Variants in RNF175 observed in about 807,000 individuals in gnomAD.
The protein encoded by RNF175 is ring finger protein 175.
RNF175 carries 38 observed loss-of-function variants against 50.0 expected under a neutral mutation model. That is an observed-to-expected ratio of 0.76 (90% CI 0.59 to 1.00). The LOEUF is 1.00. RNF175 is among the 50% of genes least tolerant of loss of function. The pLI is 0.00. For synonymous variants in RNF175, 155 were observed against 146.1 expected, an observed-to-expected ratio of 1.06 and a Z score of -0.44; for missense variants, 388 against 409.6, an observed-to-expected ratio of 0.95 and a Z score of 0.46.
intron 3 of RNF175, among the ~76,000 whole-genome samples, chr4:153,743,136 C>T (rs1057009220): frequency 6.6e-6 from 1 of 152,074 alleles, no homozygotes; most frequent in African/African-American, 2.4e-5. Context: ...TGATATTGTT[C>T]ACCCAAGTAT....
chr4:153,715,452 G>A (rs1178142978), intron 7 of RNF175, 77 bp downstream of exon 7: 1 of 1,393,336 alleles, frequency 7.2e-7, no homozygotes, highest in Admixed American at 2.0e-5. Flanking sequence ...GAGGAGATGG[G>A]GACAGGAGGA....
intron 3 of RNF175, among the ~76,000 whole-genome samples, chr4:153,747,880 A>G (rs1045213577): frequency 6.6e-6 from 1 of 152,278 alleles, no homozygotes; most frequent in Non-Finnish European, 1.5e-5. Flanking sequence ...GTAATAAATA[A>G]TAAACAGCAA....
intron 3 of RNF175, among the ~76,000 whole-genome samples, chr4:153,731,612 A>G (rs1219838120): frequency 6.6e-6 from 1 of 152,072 alleles, no homozygotes; most frequent in Admixed American, 6.6e-5. Flanking sequence ...GGCTAATTGT[A>G]CAGAATGATG....
chr4:153,748,735 G>A lies in RNF175; in HGVS notation c.156C>T (p.His52=), dbSNP rs147318567. ...YKMHRGHDSM[H]VEMILIFLCV... ...AGAGGAAGATCAAGATCATTTCCAC[G>A]TGCATGGAATCGTGGCCCCGGTGCA... Residue 52 remains histidine (H), a synonymous_variant, in exon 3 of 9, where the codon CAC becomes CAT. Coordinates refer to ENST00000347063, the MANE Select transcript of RNF175 (RefSeq NM_173662.4). 0.011 allele frequency: 17,153 copies of A among 1,611,496 alleles called. 129 individuals are homozygous for A. The highest frequency in any genetic ancestry group is 0.013 in the Non-Finnish European group (15,035 of 1,178,886).
chr4:153,715,753 C>T (rs1296276969), intron 6 of RNF175, 91 bp from the exon 7 acceptor site: 3 of 1,350,500 alleles, frequency 2.2e-6, no homozygotes, highest in Non-Finnish European at 3.0e-6. Flanking sequence ...CTGGGACAGG[C>T]AGCCCTTGGC....
At chr4:153,710,553 A>G in intron 8 of RNF175, 64 bp from the exon 9 acceptor site, 1 of 1,465,668 alleles carries the variant, frequency 6.8e-7, no homozygotes, top group African/African-American at 1.4e-5. Flanking sequence ...CATAAATGTC[A>G]TTTGCAAATA....
At chr4:153,746,517 C>T (rs1739981802) in intron 3 of RNF175, among the ~76,000 whole-genome samples, 1 of 151,300 alleles carries the variant, frequency 6.6e-6, no homozygotes, top group African/African-American at 2.4e-5. Flanking sequence ...CCATAGCTCT[C>T]CTAGGCTGGA....
At chr4:153,718,221 TGTTTGTTTG>T (rs774508221) in intron 6 of RNF175, among the ~76,000 whole-genome samples, 30 of 53,970 alleles carry the variant, frequency 5.6e-4, no homozygotes, top group Non-Finnish European at 9.9e-4. Flanking sequence ...TTTTTTTGTT[TGTTTGTTTG>T]TTTGTTTGTT....
intron 7 of RNF175, 152 bp downstream of exon 7, chr4:153,715,377 C>A: frequency 1.3e-6 from 1 of 745,660 alleles, no homozygotes; most frequent in Non-Finnish European, 2.4e-6. Context: ...CAGGGACAAA[C>A]AGGAAGACTC....
intron 7 of RNF175, 71 bp downstream of exon 7, chr4:153,715,458 G>C: frequency 8.3e-7 from 1 of 1,205,332 alleles, no homozygotes; most frequent in Non-Finnish European, 1.2e-6. Context: ...ATGGGGACAG[G>C]AGGAGGAGGA....
intron 7 of RNF175, chr4:153,714,264 T>C (rs1339478665): frequency 6.6e-6 from 1 of 152,150 alleles, no homozygotes; most frequent in Non-Finnish European, 1.5e-5. Flanking sequence ...AAGAATGAGT[T>C]TTTTGGGAAA....
chr4:153,752,669 T>TA (rs971669066), intron 1 of RNF175, among the ~76,000 whole-genome samples: 1 of 152,184 alleles, frequency 6.6e-6, no homozygotes, highest in African/African-American at 2.4e-5. Flanking sequence ...ATTATAAAGT[T>TA]AAAAAATGAC....
At chr4:153,723,158 T>C in intron 5 of RNF175, 193 bp downstream of exon 5, 1 of 357,350 alleles carries the variant, frequency 2.8e-6, no homozygotes, top group Non-Finnish European at 5.2e-6. Context: ...TTTTAAAAAA[T>C]TATTTTGTAG....
chr4:153,724,410 G>A, intron 4 of RNF175, among the ~76,000 whole-genome samples: 1 of 152,222 alleles, frequency 6.6e-6, no homozygotes, highest in East Asian at 1.9e-4. Flanking sequence ...AAATGAAGAG[G>A]TGGCTAGAAA....
chr4:153,721,711 A>G (rs1738350522), intron 5 of RNF175, among the ~76,000 whole-genome samples: 1 of 152,182 alleles, frequency 6.6e-6, no homozygotes, highest in African/African-American at 2.4e-5. Context: ...TTACTGTAGG[A>G]AAATTCATGA....
intron 3 of RNF175, among the ~76,000 whole-genome samples, chr4:153,728,747 G>A (rs771942944): frequency 6.6e-6 from 1 of 152,116 alleles, no homozygotes; most frequent in African/African-American, 2.4e-5. Context: ...GGGATCAAAC[G>A]AGATCAGGAA....
chr4:153,715,317 G>A (rs2127089217), intron 7 of RNF175: 1 of 620,286 alleles, frequency 1.6e-6, no homozygotes, highest in East Asian at 3.0e-5. Flanking sequence ...TCTTTAGAAA[G>A]GAAATTACTG....
At chr4:153,718,234 G>GTTTTTTTTT (rs1276542726) in intron 6 of RNF175, among the ~76,000 whole-genome samples, 4 of 64,256 alleles carry the variant, frequency 6.2e-5, no homozygotes, top group South Asian at 7.2e-4. Flanking sequence ...TTGTTTGTTT[G>GTTTTTTTTT]TTTGTTTTTT....
intron 4 of RNF175, among the ~76,000 whole-genome samples, chr4:153,725,892 C>T (rs1016010639): frequency 2.6e-5 from 4 of 152,166 alleles, no homozygotes; most frequent in Non-Finnish European, 4.4e-5. Flanking sequence ...CTGCTTATTG[C>T]GGGTACCTAT....
Sources: gnomAD v4.1 joint callset for allele counts (sites outside exome capture counted in the v4.1 genomes callset) on GRCh38, gnomAD v4.1.1 for gene constraint, MANE v1.5 for transcripts, NCBI Gene and HGNC (gene_info 2026-07-23, HGNC 2026-07-21) for gene names.